Variants in SEC23A observed in about 807,000 individuals in gnomAD.
SEC23A encodes the protein protein transport protein Sec23A.
A neutral mutation model predicts 103.7 loss-of-function variants in SEC23A; 56 were observed. The observed-to-expected ratio is 0.54, with a 90% CI of 0.44 to 0.67. The LOEUF is 0.67. Among genes scored for constraint, SEC23A ranks in the 30% least tolerant of loss-of-function variants. The pLI is 0.00. For missense variants in SEC23A, 784 were observed against 936.4 expected, an observed-to-expected ratio of 0.84 and a Z score of 2.12; for synonymous variants, 281 against 293.0, an observed-to-expected ratio of 0.96 and a Z score of 0.42.
At chr14:39,087,574 C>T (rs1350930983) in intron 5 of SEC23A, 8 of 152,742 alleles carry the variant, frequency 5.2e-5, no homozygotes, top group South Asian at 4.1e-4. Context: ...AACCAAACTA[C>T]GAACTGCCAC....
chr14:39,074,549 A>AT lies in SEC23A; in HGVS notation c.988-20dup, dbSNP rs1241981130. The AT allele has an allele frequency of 2.7e-6, 4 of 1,462,948 alleles. No homozygotes were observed. Among genetic ancestry groups the AT allele is most frequent in the Non-Finnish European group, 3.8e-6 (4 of 1,046,316 alleles). 90.6% of individuals were successfully genotyped at this position (1,462,948 alleles called of 1,614,324 possible). On this transcript the variant is annotated intron_variant, in intron 8 of 19. Coordinates refer to ENST00000307712, the MANE Select transcript of SEC23A (RefSeq NM_006364.4). Reference sequence around the variant, plus strand: ...CAAAATGCTACAAAAGATTTTCTTAATTAAAATAATATACAAAATTGTCCT... The same window carrying AT: ...CAAAATGCTACAAAAGATTTTCTTAATTTAAAATAATATACAAAATTGTCCT...
At chr14:39,093,165 C>T in intron 3 of SEC23A, 22 bp downstream of exon 3, 1 of 1,608,918 alleles carries the variant, frequency 6.2e-7, no homozygotes, top group Non-Finnish European at 8.5e-7. Flanking sequence ...CTGCGCCCGG[C>T]ATGCAATGGA....
chr14:39,097,905 C>T (rs917362103), intron 1 of SEC23A, among the ~76,000 whole-genome samples: 2 of 151,846 alleles, frequency 1.3e-5, no homozygotes, highest in Non-Finnish European at 2.9e-5. Context: ...GTCAACATGG[C>T]AAAACCCCGT....
At chr14:39,079,832 T>A (rs1887160664) in intron 7 of SEC23A, among the ~76,000 whole-genome samples, 1 of 151,708 alleles carries the variant, frequency 6.6e-6, no homozygotes, top group African/African-American at 2.4e-5. Flanking sequence ...AAAAAATAAA[T>A]AAATAAAATA....
At chr14:39,036,476 T>C (rs976444752) in intron 19 of SEC23A, among the ~76,000 whole-genome samples, 3 of 152,164 alleles carry the variant, frequency 2.0e-5, no homozygotes, top group Admixed American at 2.0e-4. Context: ...TTTTCTAGTT[T>C]TTTTGGCCCC....
At chr14:39,072,859 G>A (rs141788087) in intron 9 of SEC23A, among the ~76,000 whole-genome samples, 1 of 152,274 alleles carries the variant, frequency 6.6e-6, no homozygotes, top group Non-Finnish European at 1.5e-5. Context: ...TGACAAAGAT[G>A]TGGAGAAACT....
intron 2 of SEC23A, 46 bp from the exon 3 acceptor site, chr14:39,093,290 C>T (rs748618679): frequency 6.8e-7 from 1 of 1,461,240 alleles, no homozygotes; most frequent in Non-Finnish European, 9.5e-7. Flanking sequence ...TATTTCAGTT[C>T]AATTTTACAA....
chr14:39,064,215 T>C (rs567169773), intron 11 of SEC23A, among the ~76,000 whole-genome samples: 24 of 152,234 alleles, frequency 1.6e-4, no homozygotes, highest in African/African-American at 5.1e-4. Context: ...CGCAAACTGC[T>C]TGTACATATT....
At chr14:39,055,993 C>T (rs1280182281) in intron 13 of SEC23A, among the ~76,000 whole-genome samples, 1 of 152,230 alleles carries the variant, frequency 6.6e-6, no homozygotes, top group Non-Finnish European at 1.5e-5. Flanking sequence ...CTGTGCAAGG[C>T]TCTCTTGAGC....
chr14:39,097,454 C>A (rs1348789049), intron 1 of SEC23A, among the ~76,000 whole-genome samples: 1 of 152,064 alleles, frequency 6.6e-6, no homozygotes, highest in Non-Finnish European at 1.5e-5. Context: ...AATAGTGGGA[C>A]AAGAAGCTGA....
At chr14:39,067,484 A>G (rs1420497364) in intron 9 of SEC23A, among the ~76,000 whole-genome samples, 188 bp from the exon 10 acceptor site, 1 of 152,124 alleles carries the variant, frequency 6.6e-6, no homozygotes, top group Non-Finnish European at 1.5e-5. Flanking sequence ...AATAATCTCA[A>G]TTCCGAAGGT....
intron 17 of SEC23A, chr14:39,041,408 G>GAAAAAAAAAAAAAAAAAAAA (rs1885631519): frequency 1.1e-4 from 1 of 8,818 alleles, no homozygotes; most frequent in Non-Finnish European, 2.1e-4. Context: ...CAAAGAAAAA[G>GAAAAAAAAAAAAAAAAAAAA]CAAAAAAAAA....
intron 9 of SEC23A, among the ~76,000 whole-genome samples, chr14:39,068,307 C>G (rs545733864): frequency 1.3e-5 from 2 of 152,016 alleles, no homozygotes; most frequent in Non-Finnish European, 2.9e-5. Context: ...TGGTACAACC[C>G]CAGTACAGAG....
intron 15 of SEC23A, among the ~76,000 whole-genome samples, chr14:39,045,990 T>C (rs779206809): frequency 1.3e-5 from 2 of 152,190 alleles, no homozygotes; most frequent in Non-Finnish European, 2.9e-5. Context: ...AACTGAATCA[T>C]GTCAGGGGGC....
At chr14:39,049,921 G>T (rs959123099) in intron 14 of SEC23A, among the ~76,000 whole-genome samples, 1 of 151,386 alleles carries the variant, frequency 6.6e-6, no homozygotes, top group Non-Finnish European at 1.5e-5. Context: ...GGCATCCGCC[G>T]CCACGCCCAG....
intron 7 of SEC23A, among the ~76,000 whole-genome samples, chr14:39,076,872 A>G (rs1326762270): frequency 6.6e-6 from 1 of 151,306 alleles, no homozygotes; most frequent in East Asian, 2.0e-4. Context: ...GGTCGCAGTG[A>G]GCCAAGATCA....
Position 39,094,387 on chromosome 14 carries a change from CACACACACACATATATATAT to C in SEC23A, c.222-1163_222-1144del, listed in dbSNP as rs1317825819. Among the ~76,000 whole-genome samples the C allele has an allele frequency of 6.8e-4, 36 of 53,298 alleles. 5 individuals are homozygous for C. Among genetic ancestry groups the C allele is most frequent in the African/African-American group, 2.2e-3 (34 of 15,234 alleles). The allele number at this position is 53,298 out of a possible 152,430, so 35.0% of individuals were successfully genotyped here. A position where few individuals can be genotyped will look rare whatever the true frequency, so the allele number is the denominator to read the frequency against. The stretch of plus-strand genomic sequence containing the variant: ...ACATATATATATACACACACACACA[CACACACACACATATATATAT>C]ATATATATATATATATATATATATA... On this transcript the variant is annotated intron_variant, in intron 2 of 19. Transcript: ENST00000307712.
In SEC23A at chr14:39,097,086, G is replaced by A. The variant is rs546525799; in HGVS notation, c.-21-947C>T. The stretch of plus-strand genomic sequence containing the variant: ...GAATATTTTGAACATTCCAAATTAT[G>A]AGAGCATTTTAAACTCCAATTTGAG... On this transcript the variant is annotated intron_variant, in intron 1 of 19. Coordinates refer to ENST00000307712, the MANE Select transcript of SEC23A (RefSeq NM_006364.4). Among the ~76,000 whole-genome samples, 97 of 152,246 alleles carry A rather than the reference G, an allele frequency of 6.4e-4. 1 individual carries two copies. The highest frequency in any genetic ancestry group is 2.2e-3 in the African/African-American group (91 of 41,546).
chr14:39,067,172 C>G lies in SEC23A; in HGVS notation c.1227+1G>C. On this transcript the variant is annotated splice_donor_variant, in intron 10 of 19. Coordinates refer to ENST00000307712, the MANE Select transcript of SEC23A (RefSeq NM_006364.4). LOFTEE classifies it high-confidence loss of function. ...CGCACATGTCAAGTTTTGGTTCTTA[C>G]CTTTATTTCTAGCGTACCACCAAAG... is the stretch of plus-strand genomic sequence containing the variant. 1 of 1,613,718 alleles carries G rather than the reference C, an allele frequency of 6.2e-7. No individual in the cohort carries two copies. The highest frequency in any genetic ancestry group is 8.5e-7 in the Non-Finnish European group (1 of 1,179,874).
Sources: gnomAD v4.1 joint callset for allele counts (sites outside exome capture counted in the v4.1 genomes callset) on GRCh38, gnomAD v4.1.1 for gene constraint, MANE v1.5 for transcripts, NCBI Gene and HGNC (gene_info 2026-07-23, HGNC 2026-07-21) for gene names.